EPG5: variants seen among roughly 807,000 people sequenced by gnomAD.
The protein encoded by EPG5 is ectopic P granules protein 5 homolog.
In EPG5, 159 loss-of-function variants were observed where a neutral mutation model predicts 302.7. The observed-to-expected ratio is 0.53, with a 90% CI of 0.46 to 0.60. EPG5 has a LOEUF of 0.60. EPG5 is among the 20% of genes least tolerant of loss of function. The pLI is 0.00. For missense variants in EPG5, 2,896 were observed against 3,092.4 expected, an observed-to-expected ratio of 0.94 and a Z score of 1.51; for synonymous variants, 1,158 against 1,136.8, an observed-to-expected ratio of 1.02 and a Z score of -0.37.
At position 45,879,212 on chromosome 18, in the gene EPG5, T is replaced by C; in HGVS notation, c.5670A>G (p.Val1890=). The part of the protein sequence containing the change: ...SSDALLSDKQ[V]METIQWLSDF... ...CTGAAAGCCACTGTATAGTCTCCAT[T>C]ACCTGGAAGAGACAACTAGTCAAAA... is the stretch of plus-strand genomic sequence containing the variant. The change falls in exon 33 of 44, where the codon GTA becomes GTG. Residue 1890 remains valine (V), a splice_region_variant and synonymous_variant. Transcript: ENST00000282041. The C allele has an allele frequency of 6.3e-7, 1 of 1,598,330 alleles. No homozygotes were observed. The highest frequency in any genetic ancestry group is 8.5e-7 in the Non-Finnish European group (1 of 1,175,234).
rs775095237 is a variant in EPG5 at position 45,934,870 on chromosome 18, G to A, written c.2196C>T (p.Ser732=). ...AGGAGGAGAGCTGCTGCAGGTTCTCGCTCTCCACCTGGTGCATGAGGTAGA... is the reference window on the plus strand; with the variant it reads ...AGGAGGAGAGCTGCTGCAGGTTCTCACTCTCCACCTGGTGCATGAGGTAGA... ...KLFYLMHQVE[S]ENLQQLSSSL... is the part of the protein sequence containing the mutation. Residue 732 remains serine (S), a synonymous_variant, in exon 11 of 44, where the codon AGC becomes AGT. Coordinates refer to ENST00000282041, the MANE Select transcript of EPG5 (RefSeq NM_020964.3). The A allele has an allele frequency of 8.7e-6, 14 of 1,613,998 alleles. No individual in the cohort carries two copies. Among genetic ancestry groups the A allele is most frequent in the African/African-American group, 6.7e-5 (5 of 74,914 alleles).
rs756577231 is a variant in EPG5 at position 45,855,430 on chromosome 18, C to T, written c.7557+143G>A. On this transcript the variant is annotated intron_variant, in intron 43 of 43. Transcript: ENST00000282041. ...AGGTTGGCACATGAAACCATTTTCCCGTAAGTAGGGCACATGAAAGGGAAC... is the reference window on the plus strand; with the variant it reads ...AGGTTGGCACATGAAACCATTTTCCTGTAAGTAGGGCACATGAAAGGGAAC... 531 of 586,836 alleles carry T rather than the reference C, an allele frequency of 9.0e-4. 1 individual carries two copies. Among genetic ancestry groups the T allele is most frequent in the Non-Finnish European group, 3.7e-4 (123 of 333,956 alleles). The allele number at this position is 586,836 out of a possible 1,614,324, so 36.4% of individuals were successfully genotyped here. A position where few individuals can be genotyped will look rare whatever the true frequency, so the allele number is the denominator to read the frequency against.
chr18:45,803,186 A>G, the EPG5 span, among the ~76,000 whole-genome samples: 1 of 152,248 alleles, frequency 6.6e-6, no homozygotes. Context: ...ATGATCCTTT[A>G]TAAAATATGG....
chr18:45,879,971 T>G (rs1238048060), intron 32 of EPG5, 104 bp downstream of exon 32: 56 of 1,291,422 alleles, frequency 4.3e-5, no homozygotes, highest in Non-Finnish European at 5.9e-5. Flanking sequence ...GAAAAACACA[T>G]GGCTCTTAAA....
intron 36 of EPG5, 78 bp from the exon 37 acceptor site, chr18:45,867,826 T>C (rs1401590534): frequency 1.5e-6 from 2 of 1,318,118 alleles, no homozygotes; most frequent in South Asian, 2.8e-5. Context: ...AATTGTTTCA[T>C]AATTATGTTT....
At chr18:45,916,804 C>T in intron 17 of EPG5, 1 of 337,724 alleles carries the variant, frequency 3.0e-6, no homozygotes, top group Non-Finnish European at 5.5e-6. Flanking sequence ...CCACGACACA[C>T]AAACACATGC....
intron 1 of EPG5, among the ~76,000 whole-genome samples, chr18:45,962,117 T>C (rs146780343): frequency 2.0e-5 from 3 of 152,266 alleles, no homozygotes; most frequent in Admixed American, 1.3e-4. Flanking sequence ...CGGAACATAA[T>C]GGGTGATCAA....
In EPG5 at chr18:45,852,511, T is replaced by A; in HGVS notation, c.7696A>T (p.Asn2566Tyr). 6.2e-7 allele frequency: 1 copy of A among 1,614,246 alleles called. No homozygotes were observed. The highest frequency in any genetic ancestry group is 1.1e-5 in the South Asian group (1 of 91,082). Residue 2566 changes from asparagine (N) to tyrosine (Y), a missense_variant, in exon 44 of 44, where the codon AAC (asparagine) becomes TAC (tyrosine). By Grantham distance (143) the Asn-to-Tyr change is moderately radical. Coordinates refer to ENST00000282041, the MANE Select transcript of EPG5 (RefSeq NM_020964.3). ...TAATGCACTTCTGGATACAGACAGTTAACGAGAAGAGCCAAGAAGCTTTTC... is the reference window on the plus strand; with the variant it reads ...TAATGCACTTCTGGATACAGACAGTAAACGAGAAGAGCCAAGAAGCTTTTC... ...DGKSFLALLV[N>Y]CLYPEVHYLD...
intron 32 of EPG5, 57 bp downstream of exon 32, chr18:45,880,018 A>C (rs1280323174): frequency 1.4e-6 from 2 of 1,477,080 alleles, no homozygotes; most frequent in Admixed American, 4.6e-5. Flanking sequence ...TAAAAAATGA[A>C]TAGCAAGGGA....
rs1316576584 is a variant in EPG5 at position 45,965,146 on chromosome 18, G to A, written c.63+2031C>T. On this transcript the variant is annotated intron_variant, in intron 1 of 43. Transcript: ENST00000282041. ...AAAAAAGAACAAAATCGTGTCCCCT[G>A]CAGCAACATGGATGCAGTTAGAGGT... is the stretch of plus-strand genomic sequence containing the variant. Among the ~76,000 whole-genome samples the A allele has an allele frequency of 2.6e-5, 4 of 152,144 alleles. No homozygotes were observed. The East Asian group carries it at 7.7e-4, about 29-fold the overall frequency.
intron 24 of EPG5, chr18:45,907,057 G>A (rs1026731148): frequency 2.6e-5 from 4 of 152,092 alleles, no homozygotes; most frequent in East Asian, 1.9e-4. Context: ...TTGTATCTTC[G>A]GTACCTGGCA....
rs554975133 is a variant in EPG5, at chr18:45,882,484, C to T, written c.5308G>A (p.Asp1770Asn). 1.5e-4 allele frequency: 237 copies of T among 1,595,434 alleles called. 1 individual carries two copies. The East Asian group carries it at 4.9e-3, about 33-fold the overall frequency. The change falls in exon 31 of 44, where the codon GAT becomes AAT. Residue 1770 changes from aspartate to asparagine, a missense_variant. This residue lies in a region of EPG5 where 790 missense variants were observed against 798.0 expected (regional missense o/e 0.99). Transcript: ENST00000282041. The stretch of plus-strand genomic sequence containing the variant: ...GTGGCGCTTAACCATTGTTTAAGAT[C>T]GAACTAAAAAGAAAAAGAAACAAAA... The part of the protein sequence containing the change: ...DMIFMLLTKF[D>N]LKQWLSATKP...
At chr18:45,810,249 G>A in the EPG5 span, among the ~76,000 whole-genome samples, 1 of 152,018 alleles carries the variant, frequency 6.6e-6, no homozygotes, top group East Asian at 1.9e-4. Context: ...AAAAGGCCAG[G>A]ACCAGACGGA....
At chr18:45,931,543 T>C (rs548241240) in intron 11 of EPG5, among the ~76,000 whole-genome samples, 4 of 152,274 alleles carry the variant, frequency 2.6e-5, no homozygotes, top group African/African-American at 9.6e-5. Flanking sequence ...TTTAAAAATA[T>C]ATGTGCTTGG....
intron 16 of EPG5, 27 bp from the exon 17 acceptor site, chr18:45,917,846 T>A (rs773886550): frequency 2.3e-5 from 37 of 1,612,540 alleles, no homozygotes; most frequent in Non-Finnish European, 3.1e-5. Context: ...AGGCACTGAA[T>A]ACACAAGGGA....
At chr18:45,838,492 C>T in the EPG5 span, 3 of 619,518 alleles carry the variant, frequency 4.8e-6, no homozygotes, top group Non-Finnish European at 7.8e-6. Flanking sequence ...TTTTCAGCAA[C>T]CTCTTAAGGC....
At chr18:45,842,478 A>G in the EPG5 span, 1 of 367,520 alleles carries the variant, frequency 2.7e-6, no homozygotes, top group Non-Finnish European at 5.0e-6. Context: ...CATTAGCTTG[A>G]GCGTGAAACT....
chr18:45,804,513 T>A, the EPG5 span, among the ~76,000 whole-genome samples: 2 of 152,192 alleles, frequency 1.3e-5, no homozygotes, highest in Non-Finnish European at 2.9e-5. Flanking sequence ...GTCAAAAGCA[T>A]GCAGAGAAAA....
chr18:45,935,268 C>T (rs771590678), intron 10 of EPG5, among the ~76,000 whole-genome samples: 10 of 152,182 alleles, frequency 6.6e-5, no homozygotes, highest in Non-Finnish European at 8.8e-5. Context: ...TATGGCCGGG[C>T]GTGGTGGCTC....
Sources: gnomAD v4.1 joint callset for allele counts (sites outside exome capture counted in the v4.1 genomes callset) on GRCh38, gnomAD v4.1.1 for gene constraint, gnomAD v4.1.1 regional missense constraint, MANE v1.5 for transcripts, NCBI Gene and HGNC (gene_info 2026-07-23, HGNC 2026-07-21) for gene names.